PLEKHA5: variants seen among roughly 807,000 people sequenced by gnomAD.
The protein encoded by PLEKHA5 is pleckstrin homology domain containing A5.
A neutral mutation model predicts 181.9 loss-of-function variants in PLEKHA5; 55 were observed. That is an observed-to-expected ratio of 0.30 (90% CI 0.24 to 0.38). PLEKHA5 has a LOEUF of 0.38. Ranked by LOEUF, PLEKHA5 falls within the 10% of genes least tolerant of loss-of-function variation. The pLI is 1.00. For missense variants in PLEKHA5, 1,432 were observed against 1,549.5 expected (o/e 0.92, Z 1.27); for synonymous variants, 535 against 529.4 (o/e 1.01, Z -0.15).
At chr12:19,152,204 A>T (rs1252605243) in intron 3 of PLEKHA5, 1 of 152,178 alleles carries the variant, frequency 6.6e-6, no homozygotes, top group East Asian at 1.9e-4. Context: ...AGATATTTTA[A>T]TGTAAATATT....
chr12:19,355,163 C>T (rs985703442), intron 26 of PLEKHA5, among the ~76,000 whole-genome samples: 2 of 152,086 alleles, frequency 1.3e-5, no homozygotes, highest in African/African-American at 2.4e-5. Context: ...CCAAACCAGT[C>T]GAGTTTTGTT....
chr12:19,146,290 A>G (rs1277700596), intron 3 of PLEKHA5, among the ~76,000 whole-genome samples: 1 of 152,250 alleles, frequency 6.6e-6, no homozygotes, highest in Non-Finnish European at 1.5e-5. Flanking sequence ...GATTTCAGCC[A>G]TGCATGGCAT....
rs772168234 is a variant in PLEKHA5 at position 19,283,531 on chromosome 12, G to A, written c.1565G>A (p.Ser522Asn). The A allele has an allele frequency of 3.7e-6, 6 of 1,614,114 alleles. No individual in the cohort carries two copies. The highest frequency in any genetic ancestry group is 4.2e-6 in the Non-Finnish European group (5 of 1,179,988). The change falls in exon 12 of 32, where the codon AGC becomes AAC. Residue 522 changes from serine to asparagine, a missense_variant. By Grantham distance (46) the Ser-to-Asn change is conservative. Transcript: ENST00000429027. ...WQQRQFYNKQ[S>N]TLPRHSTLSS... ...CAGCGTCAGTTTTATAACAAACAGAGCACCCTCCCTCGACACAGTACTTTG... is the reference window on the plus strand; with the variant it reads ...CAGCGTCAGTTTTATAACAAACAGAACACCCTCCCTCGACACAGTACTTTG...
intron 3 of PLEKHA5, among the ~76,000 whole-genome samples, chr12:19,163,522 G>T (rs1275608816): frequency 6.6e-6 from 1 of 152,048 alleles, no homozygotes; most frequent in Non-Finnish European, 1.5e-5. Flanking sequence ...TACTGTGGAG[G>T]CCCTGAGAGT....
intron 3 of PLEKHA5, among the ~76,000 whole-genome samples, chr12:19,134,833 A>G (rs2035127209): frequency 6.6e-6 from 1 of 152,208 alleles, no homozygotes; most frequent in South Asian, 2.1e-4. Flanking sequence ...CCCCAGGAAC[A>G]TAAACTATAT....
At chr12:19,323,188 G>C (rs1465194564) in intron 20 of PLEKHA5, among the ~76,000 whole-genome samples, 1 of 152,014 alleles carries the variant, frequency 6.6e-6, no homozygotes, top group African/African-American at 2.4e-5. Context: ...TGTGAAATGA[G>C]TGTTTTACAG....
In PLEKHA5 at chr12:19,221,799, C is replaced by T. The variant is rs1388314013; in HGVS notation, c.228-32141C>T. Among the ~76,000 whole-genome samples the T allele has an allele frequency of 3.9e-5, 6 of 152,228 alleles. No individual in the cohort carries two copies. In the East Asian group the frequency reaches 1.2e-3, roughly 29 times the overall value. The stretch of plus-strand genomic sequence containing the variant: ...GACGAAAGACAAACAAAACTACATA[C>T]TTTATTTCAGTAAGGTCATCAAAAA... On this transcript the variant is annotated intron_variant, in intron 3 of 31. Transcript: ENST00000429027.
At chr12:19,345,984 T>G in intron 23 of PLEKHA5, 96 bp downstream of exon 23, 1 of 617,618 alleles carries the variant, frequency 1.6e-6, no homozygotes, top group Non-Finnish European at 2.8e-6. Context: ...AACAAAAATA[T>G]TTTTTAAATA....
intron 30 of PLEKHA5, among the ~76,000 whole-genome samples, chr12:19,368,472 A>T (rs969026515): frequency 6.6e-6 from 1 of 151,518 alleles, no homozygotes; most frequent in African/African-American, 2.4e-5. Context: ...TTCCAGCCTG[A>T]GCAACAGAGC....
chr12:19,362,299 C>T (rs1165464103), intron 29 of PLEKHA5, among the ~76,000 whole-genome samples: 1 of 151,892 alleles, frequency 6.6e-6, no homozygotes, highest in Non-Finnish European at 1.5e-5. Context: ...TTTGGGAGGC[C>T]AACGGGGGCA....
chr12:19,171,286 G>A (rs934990545), intron 3 of PLEKHA5, among the ~76,000 whole-genome samples: 2 of 152,084 alleles, frequency 1.3e-5, no homozygotes, highest in Non-Finnish European at 2.9e-5. Flanking sequence ...AAGGACTGAG[G>A]AAGATGAAGA....
chr12:19,300,446 A>G (rs1272327901), intron 15 of PLEKHA5, among the ~76,000 whole-genome samples: 1 of 152,214 alleles, frequency 6.6e-6, no homozygotes, highest in African/African-American at 2.4e-5. Context: ...TTTTACAGTT[A>G]CAAAATTATA....
chr12:19,289,641 C>G (rs894164001), intron 13 of PLEKHA5, among the ~76,000 whole-genome samples: 1 of 151,948 alleles, frequency 6.6e-6, no homozygotes, highest in South Asian at 2.1e-4. Context: ...TTAAATTGGC[C>G]CATTAAGGAA....
At position 19,362,301 on chromosome 12, in the gene PLEKHA5, A is replaced by G. The variant is rs144931754; in HGVS notation, c.3608+595A>G. Among the ~76,000 whole-genome samples, 988 of 152,120 alleles carry G rather than the reference A, an allele frequency of 6.5e-3. 11 individuals are homozygous for G. The highest frequency in any genetic ancestry group is 0.023 in the African/African-American group (941 of 41,514). ...GTAATCCCAGCACTTTGGGAGGCCA[A>G]CGGGGGCAGATCACTAGAAGTCAGG... is the stretch of plus-strand genomic sequence containing the variant. On this transcript the variant is annotated intron_variant, in intron 29 of 31. Coordinates refer to ENST00000429027, the MANE Select transcript of PLEKHA5 (RefSeq NM_001256470.2).
intron 22 of PLEKHA5, among the ~76,000 whole-genome samples, chr12:19,344,468 T>C (rs1247984090): frequency 6.6e-6 from 1 of 152,216 alleles, no homozygotes; most frequent in Non-Finnish European, 1.5e-5. Context: ...CTGTAATATA[T>C]TTATCCATTT....
intron 3 of PLEKHA5, among the ~76,000 whole-genome samples, chr12:19,233,088 TGA>T (rs1293813718): frequency 1.3e-5 from 2 of 152,018 alleles, no homozygotes; most frequent in Admixed American, 1.3e-4. Context: ...AATGAGGATA[TGA>T]GAGAGAGAAA....
chr12:19,319,916 A>C, intron 16 of PLEKHA5, 105 bp from the exon 17 acceptor site: 1 of 663,302 alleles, frequency 1.5e-6, no homozygotes, highest in South Asian at 1.8e-5. Context: ...CTTTTTATGA[A>C]ATTTGACTAT....
intron 3 of PLEKHA5, among the ~76,000 whole-genome samples, chr12:19,142,252 C>G (rs1286854251): frequency 2.0e-5 from 3 of 152,004 alleles, no homozygotes; most frequent in Non-Finnish European, 4.4e-5. Context: ...CCCTATAGTC[C>G]TGGTTACCCA....
intron 3 of PLEKHA5, among the ~76,000 whole-genome samples, chr12:19,217,750 T>G (rs1213396690): frequency 2.0e-5 from 3 of 152,168 alleles, no homozygotes; most frequent in Non-Finnish European, 4.4e-5. Context: ...AGAATATTGA[T>G]TGACCTTTAA....
Sources: gnomAD v4.1 joint callset for allele counts (sites outside exome capture counted in the v4.1 genomes callset) on GRCh38, gnomAD v4.1.1 for gene constraint, MANE v1.5 for transcripts, NCBI Gene and HGNC (gene_info 2026-07-23, HGNC 2026-07-21) for gene names.